The following SBF2 variants were observed in gnomAD, a reference collection of about 807,000 sequenced individuals.
SBF2 encodes myotubularin-related protein 13.
SBF2 carries 112 observed loss-of-function variants against 225.2 expected under a neutral mutation model. The observed-to-expected ratio is 0.50, with a 90% CI of 0.43 to 0.58. The LOEUF (loss-of-function observed/expected upper bound fraction) is 0.58, where lower values mean the gene tolerates loss of function less well. Among genes scored for constraint, SBF2 ranks in the 20% least tolerant of loss-of-function variants. The pLI, the probability that SBF2 is intolerant of heterozygous loss-of-function variation, is 0.00. For synonymous variants in SBF2, 763 were observed against 773.3 expected (o/e 0.99, Z 0.22); for missense variants, 1,996 against 2,206.2 (o/e 0.90, Z 1.91).
At chr11:9,935,150 T>C (rs776963139) in intron 16 of SBF2, among the ~76,000 whole-genome samples, 2 of 152,082 alleles carry the variant, frequency 1.3e-5, no homozygotes, top group African/African-American at 2.4e-5. Flanking sequence ...CAAGCATTCT[T>C]ACACCAATAA....
chr11:10,209,919 C>T (rs555537771), intron 1 of SBF2, among the ~76,000 whole-genome samples: 7 of 152,226 alleles, frequency 4.6e-5, no homozygotes, highest in Non-Finnish European at 1.0e-4. Flanking sequence ...TTCATCACTC[C>T]ACTATCTACA....
chr11:10,207,555 T>C (rs1957790687), intron 1 of SBF2, among the ~76,000 whole-genome samples: 1 of 152,144 alleles, frequency 6.6e-6, no homozygotes, highest in African/African-American at 2.4e-5. Context: ...AACTTCTCTG[T>C]CCTTGAAGCT....
At chr11:9,940,642 T>G (rs975541021) in intron 16 of SBF2, among the ~76,000 whole-genome samples, 2 of 152,176 alleles carry the variant, frequency 1.3e-5, no homozygotes, top group Non-Finnish European at 2.9e-5. Context: ...ACACATTACT[T>G]GGCCTGAAAG....
intron 2 of SBF2, among the ~76,000 whole-genome samples, chr11:10,091,944 T>C (rs926825110): frequency 6.6e-6 from 1 of 152,212 alleles, no homozygotes; most frequent in African/African-American, 2.4e-5. Context: ...AAGTTATCAG[T>C]ACAATTTGGA....
At chr11:9,903,954 C>T (rs1017016097) in intron 16 of SBF2, among the ~76,000 whole-genome samples, 5 of 152,000 alleles carry the variant, frequency 3.3e-5, no homozygotes, top group African/African-American at 1.2e-4. Context: ...CAGGTGTGGA[C>T]AATCAGGAAA....
intron 32 of SBF2, among the ~76,000 whole-genome samples, chr11:9,802,251 T>TA (rs1191830839): frequency 6.6e-6 from 1 of 152,218 alleles, no homozygotes; most frequent in Non-Finnish European, 1.5e-5. Context: ...AGTCCTGTAA[T>TA]GATATCATTT....
At chr11:10,062,548 T>TA (rs1196475294) in intron 2 of SBF2, among the ~76,000 whole-genome samples, 3 of 152,042 alleles carry the variant, frequency 2.0e-5, no homozygotes, top group Non-Finnish European at 4.4e-5. Flanking sequence ...CAGACCATTT[T>TA]AAAAAAAGAC....
At chr11:9,891,226 A>G (rs544644753) in intron 17 of SBF2, among the ~76,000 whole-genome samples, 1 of 152,036 alleles carries the variant, frequency 6.6e-6, no homozygotes, top group East Asian at 1.9e-4. Flanking sequence ...GGAATAATAC[A>G]AAAGTATGCT....
Position 10,259,621 on chromosome 11 carries a change from T to C in SBF2, c.55+34394A>G, listed in dbSNP as rs535734080. Among the ~76,000 whole-genome samples the C allele has an allele frequency of 1.1e-4, 17 of 152,298 alleles. 1 individual carries two copies. Among genetic ancestry groups the C allele is most frequent in the African/African-American group, 4.1e-4 (17 of 41,562 alleles). On this transcript the variant is annotated intron_variant, in intron 1 of 39. Coordinates refer to ENST00000256190, the MANE Select transcript of SBF2 (RefSeq NM_030962.4). Reference sequence around the variant, plus strand: ...GTACTTTTTATAGAACTAATAATATTAAATACTCTGAAAATATGTTTGATC... The same window carrying C: ...GTACTTTTTATAGAACTAATAATATCAAATACTCTGAAAATATGTTTGATC...
At chr11:9,918,355 T>C (rs1435680043) in intron 16 of SBF2, among the ~76,000 whole-genome samples, 1 of 152,078 alleles carries the variant, frequency 6.6e-6, no homozygotes, top group African/African-American at 2.4e-5. Flanking sequence ...CCATTTTCTT[T>C]TTATTTCTTT....
chr11:9,942,191 TC>T (rs766967736), intron 16 of SBF2, among the ~76,000 whole-genome samples: 24 of 152,144 alleles, frequency 1.6e-4, no homozygotes, highest in Non-Finnish European at 3.5e-4. Context: ...TCTCAGCCTC[TC>T]ATGTAGCTGG....
At chr11:9,992,355 C>T (rs1458010531) in intron 12 of SBF2, 60 bp downstream of exon 12, 4 of 1,407,658 alleles carry the variant, frequency 2.8e-6, no homozygotes, top group African/African-American at 1.4e-5. Flanking sequence ...TTACTTTTTA[C>T]TTTTAACTAC....
At chr11:10,251,260 C>G (rs534290480) in intron 1 of SBF2, among the ~76,000 whole-genome samples, 3 of 152,280 alleles carry the variant, frequency 2.0e-5, no homozygotes, top group Non-Finnish European at 2.9e-5. Flanking sequence ...TGTCAGGAAG[C>G]CTTCACTCTT....
intron 2 of SBF2, among the ~76,000 whole-genome samples, chr11:10,088,867 G>C (rs1485545182): frequency 6.6e-6 from 1 of 152,108 alleles, no homozygotes; most frequent in Non-Finnish European, 1.5e-5. Context: ...ACTTCCGCAG[G>C]GCAAGGATTT....
Position 10,281,606 on chromosome 11 carries a change from C to T in SBF2, c.55+12409G>A, listed in dbSNP as rs901241007. On this transcript the variant is annotated intron_variant, in intron 1 of 39. Transcript: ENST00000256190. ...TGTGGTTCCTTTTCTTTTACATCCT[C>T]TTACCAATAGTGTTCCCCAAAGCTT... Among the ~76,000 whole-genome samples, 3 of 152,262 alleles carry T rather than the reference C, an allele frequency of 2.0e-5. No individual in the cohort carries two copies. In the South Asian group the frequency reaches 6.2e-4, roughly 32 times the overall value.
chr11:9,946,855 C>T (rs1865593271), intron 16 of SBF2, among the ~76,000 whole-genome samples: 2 of 152,214 alleles, frequency 1.3e-5, no homozygotes, highest in South Asian at 4.1e-4. Context: ...AAGCAATTAT[C>T]CAGAATATTT....
At chr11:9,889,172 G>A (rs1235861420) in intron 17 of SBF2, among the ~76,000 whole-genome samples, 2 of 152,170 alleles carry the variant, frequency 1.3e-5, no homozygotes, top group Non-Finnish European at 2.9e-5. Context: ...GAAATGCTGT[G>A]ACTCTCTGCA....
intron 1 of SBF2, among the ~76,000 whole-genome samples, chr11:10,300,955 T>A (rs1964594228): frequency 6.6e-6 from 1 of 152,060 alleles, no homozygotes; most frequent in South Asian, 2.1e-4. Context: ...GACCATCTCT[T>A]CTCTTTCATT....
At chr11:9,797,972 CTGAATGAA>C (rs567677083) in intron 32 of SBF2, among the ~76,000 whole-genome samples, 26 of 151,762 alleles carry the variant, frequency 1.7e-4, no homozygotes, top group African/African-American at 4.6e-4. Context: ...GACCCTGTCT[CTGAATGAA>C]TGAATGAATG....
Sources: allele counts gnomAD v4.1 joint callset (sites outside exome capture counted in the v4.1 genomes callset), GRCh38; gene constraint gnomAD v4.1.1; transcripts MANE v1.5; gene names NCBI Gene and HGNC (gene_info 2026-07-23, HGNC 2026-07-21).